Variants in FRMPD4 observed in about 807,000 individuals in gnomAD.
FRMPD4 encodes FERM and PDZ domain containing 4, also known as FERM and PDZ domain-containing protein 4.
A neutral mutation model predicts 94.1 loss-of-function variants in FRMPD4; 22 were observed. The observed-to-expected ratio is 0.23, with a 90% confidence interval of 0.17 to 0.33. The LOEUF (loss-of-function observed/expected upper bound fraction) is 0.33. FRMPD4 is among the 10% of genes least tolerant of loss of function. The pLI is 1.00. For missense variants in FRMPD4, 1,111 were observed against 1,339.9 expected, an observed-to-expected ratio of 0.83 and a Z score of 2.67; for synonymous variants, 631 against 548.6, an observed-to-expected ratio of 1.15 and a Z score of -2.10.
At chrX:12,020,851 C>T (rs1475136381) in intron 3 of FRMPD4, among the ~76,000 whole-genome samples, 1 of 111,621 alleles carries the variant, frequency 9.0e-6, no homozygotes, top group Non-Finnish European at 1.9e-5. Context: ...TCTACCTTGT[C>T]CTTAGGATAT....
intron 3 of FRMPD4, among the ~76,000 whole-genome samples, chrX:11,884,435 A>C (rs1257248268): frequency 3.6e-5 from 4 of 111,987 alleles, no homozygotes; most frequent in Non-Finnish European, 7.5e-5. Flanking sequence ...AGGAATTTAC[A>C]TGTCCTTATT....
At chrX:12,255,003 C>A (rs1175447397) in intron 1 of FRMPD4, among the ~76,000 whole-genome samples, 1 of 111,542 alleles carries the variant, frequency 9.0e-6, no homozygotes, top group African/African-American at 3.3e-5. Flanking sequence ...GCACTGAGAT[C>A]CAGGATTTGC....
At chrX:12,044,419 A>G (rs2054774267) in intron 3 of FRMPD4, among the ~76,000 whole-genome samples, 1 of 112,007 alleles carries the variant, frequency 8.9e-6, no homozygotes, top group African/African-American at 3.2e-5. Context: ...GTCCAGATAT[A>G]AGAGATAGGA....
intron 2 of FRMPD4, among the ~76,000 whole-genome samples, chrX:12,572,422 T>C (rs752929267): frequency 2.7e-5 from 3 of 112,697 alleles, no homozygotes; most frequent in East Asian, 5.5e-4. Context: ...TAAGTTCCTT[T>C]TTAAGAAAGC....
intron 4 of FRMPD4, among the ~76,000 whole-genome samples, chrX:12,647,841 C>A (rs2059562210): frequency 9.0e-6 from 1 of 111,046 alleles, no homozygotes; most frequent in Non-Finnish European, 1.9e-5. Flanking sequence ...AAACTTGCTC[C>A]TTTTTTTACT....
chrX:12,319,256 G>A (rs977802033), intron 1 of FRMPD4, among the ~76,000 whole-genome samples: 6 of 112,182 alleles, frequency 5.3e-5, no homozygotes, highest in Admixed American at 3.8e-4. Flanking sequence ...TGCCACCGTG[G>A]AAAAGAGTTG....
chrX:12,639,505 TGAA>T (rs2059474087), intron 4 of FRMPD4, among the ~76,000 whole-genome samples: 1 of 112,255 alleles, frequency 8.9e-6, no homozygotes, highest in African/African-American at 3.2e-5. Flanking sequence ...CCCTTGAAAG[TGAA>T]TAGCAGGCCA....
chrX:12,520,511 C>T (rs1181365745), intron 2 of FRMPD4, among the ~76,000 whole-genome samples: 1 of 110,819 alleles, frequency 9.0e-6, no homozygotes, highest in African/African-American at 3.3e-5. Flanking sequence ...AGTGTTTTTT[C>T]CCCACAGTTA....
intron 3 of FRMPD4, among the ~76,000 whole-genome samples, chrX:12,102,814 G>T (rs2055266170): frequency 9.2e-6 from 1 of 108,793 alleles, no homozygotes; most frequent in African/African-American, 3.4e-5. Flanking sequence ...TTTTCTAATG[G>T]CCTGTGATGA....
At chrX:12,011,619 C>T (rs2054580748) in intron 3 of FRMPD4, among the ~76,000 whole-genome samples, 2 of 111,814 alleles carry the variant, frequency 1.8e-5, no homozygotes, top group African/African-American at 6.5e-5. Context: ...GTTTGGATGA[C>T]AGTTAAGACA....
At position 12,344,851 on chromosome X, in the gene FRMPD4, G is replaced by A. The variant is rs1305549691; in HGVS notation, c.42-153829G>A. Among the ~76,000 whole-genome samples the A allele has an allele frequency of 3.6e-5, 4 of 111,723 alleles. No homozygotes were observed. In the Admixed American group the frequency reaches 3.8e-4, roughly 11 times the overall value. On this transcript the variant is annotated intron_variant, in intron 1 of 16. Coordinates refer to ENST00000675598, the MANE Select transcript of FRMPD4 (RefSeq NM_001368397.1). ...TCCCGTGGTCCACCATAGTGGGGAG[G>A]GGGGATAAATCTAACTCTGAAATTC...
At chrX:12,200,608 A>T (rs1438697037) in intron 1 of FRMPD4, among the ~76,000 whole-genome samples, 1 of 111,624 alleles carries the variant, frequency 9.0e-6, no homozygotes, top group East Asian at 2.8e-4. Context: ...TGTTGGGATT[A>T]CAGGTGTGAG....
chrX:12,031,891 G>A (rs2054694184), intron 3 of FRMPD4, among the ~76,000 whole-genome samples: 1 of 111,539 alleles, frequency 9.0e-6, no homozygotes, highest in African/African-American at 3.3e-5. Context: ...CAAAACTATG[G>A]CAGTGGGAGG....
intron 4 of FRMPD4, among the ~76,000 whole-genome samples, chrX:12,635,329 GA>G (rs2059433843): frequency 8.9e-6 from 1 of 111,749 alleles, no homozygotes; most frequent in African/African-American, 3.3e-5. Context: ...GTGGGGTGTT[GA>G]GGCCTGATGG....
intron 3 of FRMPD4, among the ~76,000 whole-genome samples, chrX:11,906,310 G>T (rs113494955): frequency 0.041 from 4,478 of 109,050 alleles, 253 homozygotes; most frequent in African/African-American, 0.14. Context: ...ACCATGCCTG[G>T]CTAATTTTTT....
chrX:12,342,540 A>G (rs2055632092), intron 1 of FRMPD4, among the ~76,000 whole-genome samples: 1 of 111,767 alleles, frequency 8.9e-6, no homozygotes, highest in African/African-American at 3.3e-5. Context: ...TGAGAAGAGG[A>G]CATTGGAGCT....
At position 11,977,294 on chromosome X, in the gene FRMPD4, A is replaced by G. The variant is rs192259328; in HGVS notation, c.95+99276A>G. Among the ~76,000 whole-genome samples, 8 of 112,224 alleles carry G rather than the reference A, an allele frequency of 7.1e-5. No individual in the cohort carries two copies. In the East Asian group the frequency reaches 2.0e-3, roughly 27 times the overall value. On this transcript the variant is annotated intron_variant, in intron 3 of 18. Transcript: ENST00000640291. ...TGGTATCAAGGATCTATCAGTGCACATATTTTTATTCTCTGGTGCTCTGAT... is the reference window on the plus strand; with the variant it reads ...TGGTATCAAGGATCTATCAGTGCACGTATTTTTATTCTCTGGTGCTCTGAT...
intron 4 of FRMPD4, among the ~76,000 whole-genome samples, chrX:12,639,506 G>T (rs997559068): frequency 3.6e-5 from 4 of 112,008 alleles, no homozygotes; most frequent in Non-Finnish European, 7.5e-5. Flanking sequence ...CCTTGAAAGT[G>T]AATAGCAGGC....
chrX:12,191,376 C>T (rs773255789), intron 1 of FRMPD4, among the ~76,000 whole-genome samples: 2 of 111,860 alleles, frequency 1.8e-5, no homozygotes, highest in Admixed American at 9.5e-5. Context: ...CCATACGATC[C>T]AGCAATTGCA....
Sources: allele counts gnomAD v4.1 joint callset (sites outside exome capture counted in the v4.1 genomes callset), GRCh38; gene constraint gnomAD v4.1.1; transcripts MANE v1.5; gene names NCBI Gene and HGNC (gene_info 2026-07-23, HGNC 2026-07-21).